Variants in OPTN observed in about 807,000 individuals in gnomAD.
The protein encoded by OPTN is E3-14.7K-interacting protein.
A neutral mutation model predicts 70.4 loss-of-function variants in OPTN; 54 were observed. That is an observed-to-expected ratio of 0.77 (90% CI 0.62 to 0.96). The LOEUF (loss-of-function observed/expected upper bound fraction) is 0.96. Among genes scored for constraint, OPTN ranks in the 40% least tolerant of loss-of-function variants. The pLI is 0.00. For missense variants in OPTN, 624 were observed against 673.2 expected, an observed-to-expected ratio of 0.93 and a Z score of 0.81; for synonymous variants, 256 against 248.5, an observed-to-expected ratio of 1.03 and a Z score of -0.28.
intron 2 of OPTN, 108 bp from the exon 3 acceptor site, chr10:13,109,004 G>T: frequency 1.0e-6 from 1 of 992,898 alleles, no homozygotes. Flanking sequence ...GAGAAAGTGG[G>T]CAACTTTTGG....
chr10:13,115,261 A>C (rs1219681375), intron 5 of OPTN, among the ~76,000 whole-genome samples: 23 of 106,344 alleles, frequency 2.2e-4, no homozygotes, highest in African/African-American at 8.1e-4. Context: ...ATTTATATCT[A>C]TATTTATATA....
rs771828062 is a variant in OPTN at position 13,103,742 on chromosome 10, G to GCACACACACACACACACACACA, written c.-164+3445_-164+3466dup. ...AATTTAAATGTATATACACACACAT[G>GCACACACACACACACACACACA]CACACACACACACACACACACACAC... On this transcript the variant is annotated intron_variant, in intron 1 of 14. Transcript: ENST00000378747. Among the ~76,000 whole-genome samples, 357 of 64,884 alleles carry GCACACACACACACACACACACA rather than the reference G, an allele frequency of 5.5e-3. 3 individuals are homozygous for GCACACACACACACACACACACA. The highest frequency in any genetic ancestry group is 0.011 in the African/African-American group (334 of 31,380). The allele number at this position is 64,884 out of a possible 152,430, so 42.6% of individuals were successfully genotyped here. A position where few individuals can be genotyped will look rare whatever the true frequency, so the allele number is the denominator to read the frequency against.
intron 1 of OPTN, among the ~76,000 whole-genome samples, chr10:13,103,534 T>C (rs1024819849): frequency 2.6e-5 from 4 of 152,210 alleles, no homozygotes; most frequent in African/African-American, 9.6e-5. Context: ...CTAAGGTCAC[T>C]GCACTCGTGC....
chr10:13,111,383 T>G (rs1190283729), intron 4 of OPTN, among the ~76,000 whole-genome samples: 1 of 152,172 alleles, frequency 6.6e-6, no homozygotes, highest in Non-Finnish European at 1.5e-5. Context: ...TGTAAAAATT[T>G]CCATTTTAAA....
chr10:13,104,083 C>G (rs1832806949), intron 1 of OPTN, among the ~76,000 whole-genome samples: 1 of 152,020 alleles, frequency 6.6e-6, no homozygotes, highest in Non-Finnish European at 1.5e-5. Context: ...TTGAATGTAG[C>G]TCAAGGTGAT....
At chr10:13,102,292 G>A (rs1832768856) in intron 1 of OPTN, among the ~76,000 whole-genome samples, 1 of 152,210 alleles carries the variant, frequency 6.6e-6, no homozygotes, top group Admixed American at 6.5e-5. Context: ...TGGGTCAGTT[G>A]GGCCTGGGCC....
rs1271759733 is a variant in OPTN, at chr10:13,110,280, T to C, written c.173T>C (p.Met58Thr). 1 of 1,613,876 alleles carries C rather than the reference T, an allele frequency of 6.2e-7. No homozygotes were observed. The highest frequency in any genetic ancestry group is 1.3e-5 in the African/African-American group (1 of 75,008). ...LTENHQLKEA[M>T]KLNNQAMKGR... ...CACTCTGAACCTCCTGCAGAAGCCA[T>C]GAAGCTAAATAATCAAGCCATGAAA... The change falls in exon 4 of 15, where the codon ATG becomes ACG. Residue 58 changes from methionine to threonine, a missense_variant. Transcript: ENST00000378747.
chr10:13,117,590 T>A (rs1403026295), intron 6 of OPTN, among the ~76,000 whole-genome samples: 1 of 151,454 alleles, frequency 6.6e-6, no homozygotes, highest in African/African-American at 2.4e-5. Flanking sequence ...GGAATACAGG[T>A]GGCCGCCACC....
intron 12 of OPTN, 42 bp from the exon 13 acceptor site, chr10:13,132,025 T>A (rs763374001): frequency 2.3e-5 from 37 of 1,597,944 alleles, no homozygotes; most frequent in Non-Finnish European, 3.2e-5. Flanking sequence ...GAATCTGCAT[T>A]CATCTAGGTA....
intron 5 of OPTN, among the ~76,000 whole-genome samples, chr10:13,115,546 T>TTA (rs1833185415): frequency 8.4e-6 from 1 of 118,970 alleles, no homozygotes; most frequent in Non-Finnish European, 1.7e-5. Flanking sequence ...ATAGAATATA[T>TTA]TATACATTAT....
At chr10:13,114,082 A>G (rs1445094686) in intron 5 of OPTN, among the ~76,000 whole-genome samples, 4 of 152,040 alleles carry the variant, frequency 2.6e-5, no homozygotes, top group Admixed American at 1.3e-4. Context: ...TTAAAAAAAA[A>G]AGAAAAGAAA....
At chr10:13,132,940 A>AGTT (rs1833624249) in intron 13 of OPTN, among the ~76,000 whole-genome samples, 1 of 151,958 alleles carries the variant, frequency 6.6e-6, no homozygotes, top group Admixed American at 6.6e-5. Context: ...GGAAAAAGGG[A>AGTT]GTTGTAGTTA....
intron 2 of OPTN, chr10:13,108,857 C>T (rs1832926542): frequency 2.2e-6 from 1 of 456,308 alleles, no homozygotes; most frequent in Non-Finnish European, 4.1e-6. Context: ...TCATTGTACC[C>T]TTTTATACAC....
chr10:13,125,574 A>G lies in OPTN; in HGVS notation c.1148+7A>G. 6.2e-7 allele frequency: 1 copy of G among 1,614,176 alleles called. No homozygotes were observed. The highest frequency in any genetic ancestry group is 8.5e-7 in the Non-Finnish European group (1 of 1,180,010). ...CTAAAACAGAGGATGAAAAGTGAGT[A>G]TGTTGAGTCAGAAGGGCAGCGACGG... On this transcript the variant is annotated splice_region_variant and intron_variant, in intron 10 of 14. Coordinates refer to ENST00000378747, the MANE Select transcript of OPTN (RefSeq NM_001008212.2).
intron 2 of OPTN, chr10:13,108,886 A>G (rs1832928459): frequency 1.9e-6 from 1 of 536,732 alleles, no homozygotes; most frequent in African/African-American, 1.9e-5. Flanking sequence ...ACACACGCAC[A>G]CACACACATG....
In OPTN at chr10:13,118,963, C is replaced by T; in HGVS notation, c.702C>T (p.Ser234=). 3 of 1,613,750 alleles carry T rather than the reference C, an allele frequency of 1.9e-6. No homozygotes were observed. Among genetic ancestry groups the T allele is most frequent in the Non-Finnish European group, 2.5e-6 (3 of 1,179,690 alleles). Residue 234 remains serine, a synonymous_variant, in exon 7 of 15, where the codon AGC becomes AGT. Coordinates refer to ENST00000378747, the MANE Select transcript of OPTN (RefSeq NM_001008212.2). The stretch of plus-strand genomic sequence containing the variant: ...TCGAACATGAGGAGTTAACTGTGAG[C>T]CAGCTCCTGCTGTGCCTAAGGGAAG... ...NYFEHEELTV[S]QLLLCLREGN...
At chr10:13,122,567 G>A (rs1833374722) in intron 8 of OPTN, 80 bp downstream of exon 8, 2 of 909,092 alleles carry the variant, frequency 2.2e-6, no homozygotes, top group Admixed American at 1.8e-5. Flanking sequence ...ATCTTGTGAT[G>A]GGTTATTTGC....
Position 13,119,010 on chromosome 10 carries a change from T to C in OPTN, c.749T>C (p.Leu250Pro), listed in dbSNP as rs772668098. 2 of 1,614,062 alleles carry C rather than the reference T, an allele frequency of 1.2e-6. No homozygotes were observed. Among genetic ancestry groups the C allele is most frequent in the African/African-American group, 2.7e-5 (2 of 74,930 alleles). The change falls in exon 7 of 15, where the codon CTT becomes CCT. Residue 250 changes from leucine (L) to proline (P), a missense_variant. Transcript: ENST00000378747. ...GAAGGGAATCAGAAGGTGGAGAGAC[T>C]TGAAGTTGCACTCAAGGAGGCCAAA... ...LREGNQKVERLEVALKEAKER... is the reference protein window; with the variant it reads ...LREGNQKVERPEVALKEAKER...
intron 7 of OPTN, among the ~76,000 whole-genome samples, 161 bp downstream of exon 7, chr10:13,119,201 C>T (rs1218315033): frequency 2.0e-5 from 3 of 152,174 alleles, no homozygotes; most frequent in African/African-American, 7.2e-5. Context: ...AATTTTAGAA[C>T]ATTTTTTCCC....
Sources: allele counts gnomAD v4.1 joint callset (sites outside exome capture counted in the v4.1 genomes callset), GRCh38; gene constraint gnomAD v4.1.1; transcripts MANE v1.5; gene names NCBI Gene and HGNC (gene_info 2026-07-23, HGNC 2026-07-21).